Variants in LPCAT2 observed in about 807,000 individuals in gnomAD.
LPCAT2 encodes 1-AGP acyltransferase 11.
In LPCAT2, 58 loss-of-function variants were observed where a neutral mutation model predicts 64.7. The ratio of observed to expected loss-of-function variants is 0.90; its 90% CI spans 0.73 to 1.12. LPCAT2 has a LOEUF of 1.12. Among genes scored for constraint, LPCAT2 ranks in the 50% most tolerant of loss-of-function variants. The pLI, the probability that LPCAT2 is intolerant of heterozygous loss-of-function variation, is 0.00. For missense variants in LPCAT2, 579 were observed against 669.8 expected, an observed-to-expected ratio of 0.86 and a Z score of 1.50; for synonymous variants, 252 against 245.3, an observed-to-expected ratio of 1.03 and a Z score of -0.26.
chr16:55,563,369 C>A (rs1963657910), intron 11 of LPCAT2, among the ~76,000 whole-genome samples: 1 of 151,802 alleles, frequency 6.6e-6, no homozygotes, highest in African/African-American at 2.4e-5. Flanking sequence ...CTTTCTGATT[C>A]ATTCCATGAG....
chr16:55,572,519 GC>G (rs1273053677), intron 11 of LPCAT2, among the ~76,000 whole-genome samples: 1 of 152,166 alleles, frequency 6.6e-6, no homozygotes, highest in South Asian at 2.1e-4. Flanking sequence ...AGTAAAAACA[GC>G]CCTCCAGAGT....
At chr16:55,573,267 C>G (rs2082596273) in intron 11 of LPCAT2, among the ~76,000 whole-genome samples, 1 of 152,278 alleles carries the variant, frequency 6.6e-6, no homozygotes, top group East Asian at 1.9e-4. Context: ...CTTCACAGCC[C>G]TTCCTTCCCC....
At chr16:55,574,759 G>T (rs575444193) in intron 12 of LPCAT2, 30 bp downstream of exon 12, 2 of 1,522,428 alleles carry the variant, frequency 1.3e-6, no homozygotes, top group Admixed American at 1.7e-5. Context: ...AAGCATCTTG[G>T]TCTGCCTTGT....
At position 55,528,576 on chromosome 16, in the gene LPCAT2, C is replaced by A; in HGVS notation, c.511C>A (p.Gln171Lys). 1 of 1,612,742 alleles carries A rather than the reference C, an allele frequency of 6.2e-7. No homozygotes were observed. Among genetic ancestry groups the A allele is most frequent in the Non-Finnish European group, 8.5e-7 (1 of 1,178,858 alleles). The change falls in exon 3 of 14, where the codon CAA becomes AAA. Residue 171 changes from glutamine to lysine, a missense_variant. By Grantham distance (53) the Gln-to-Lys change is moderately conservative (BLOSUM62 1). Transcript: ENST00000262134. Reference sequence around the variant, plus strand: ...TATGGTATCTCGAAATGAGAATGCACAAGTCCCTCTGATTGGCAGTAAGTA... The same window carrying A: ...TATGGTATCTCGAAATGAGAATGCAAAAGTCCCTCTGATTGGCAGTAAGTA... ...PSMVSRNENA[Q>K]VPLIGRLLRA... is the part of the protein sequence containing the mutation.
intron 1 of LPCAT2, among the ~76,000 whole-genome samples, chr16:55,525,175 T>C (rs1963151835): frequency 6.6e-6 from 1 of 152,078 alleles, no homozygotes; most frequent in African/African-American, 2.4e-5. Flanking sequence ...TTGTTCAGGC[T>C]ACAACTCCTC....
At chr16:55,564,572 A>T (rs1225454124) in intron 11 of LPCAT2, among the ~76,000 whole-genome samples, 2 of 151,964 alleles carry the variant, frequency 1.3e-5, no homozygotes, top group Non-Finnish European at 2.9e-5. Flanking sequence ...TTCAGCAAGA[A>T]TGCCAAAACC....
chr16:55,550,957 G>A lies in LPCAT2; in HGVS notation c.1070G>A (p.Trp357Ter). The A allele has an allele frequency of 1.3e-6, 2 of 1,598,012 alleles. No individual in the cohort carries two copies. The highest frequency in any genetic ancestry group is 1.7e-6 in the Non-Finnish European group (2 of 1,169,322). ...ATTCTTTGTTTGTTTAGATTAGATT[G>A]GGATGGTGTTCGTAAGCATTTGGAT... The part of the protein sequence containing the change: ...TKISRKLKLD[W>*]DGVRKHLDEY... The change falls in exon 11 of 14, where the codon TGG becomes TAG. Residue 357 changes from tryptophan (W) to a stop codon, truncating the protein, a stop_gained. Coordinates refer to ENST00000262134, the MANE Select transcript of LPCAT2 (RefSeq NM_017839.5). LOFTEE classifies it high-confidence loss of function.
intron 13 of LPCAT2, among the ~76,000 whole-genome samples, chr16:55,581,814 A>T (rs1963889776): frequency 6.6e-6 from 1 of 152,224 alleles, no homozygotes; most frequent in Non-Finnish European, 1.5e-5. Flanking sequence ...TATTTCAGAA[A>T]CTCCAGGTTA....
At chr16:55,556,277 A>G (rs1202679761) in intron 11 of LPCAT2, among the ~76,000 whole-genome samples, 1 of 152,202 alleles carries the variant, frequency 6.6e-6, no homozygotes, top group African/African-American at 2.4e-5. Context: ...GAAACTAGTG[A>G]CGGGAAGGAA....
At chr16:55,513,528 A>T (rs1962964374) in intron 1 of LPCAT2, among the ~76,000 whole-genome samples, 1 of 152,138 alleles carries the variant, frequency 6.6e-6, no homozygotes, top group Non-Finnish European at 1.5e-5. Context: ...AAAAAAAAAA[A>T]ATCAGAATCA....
At chr16:55,524,412 A>G (rs569776542) in intron 1 of LPCAT2, among the ~76,000 whole-genome samples, 16 of 152,058 alleles carry the variant, frequency 1.1e-4, no homozygotes, top group African/African-American at 3.8e-4. Context: ...ATAGGGTTTG[A>G]CTAGAAGAGA....
chr16:55,579,359 GTAA>G (rs1963865127), intron 13 of LPCAT2, 115 bp downstream of exon 13: 1 of 997,850 alleles, frequency 1.0e-6, no homozygotes, highest in African/African-American at 1.6e-5. Flanking sequence ...AGACATAATA[GTAA>G]TATTGATGAC....
chr16:55,558,751 GACTATGTCCCAATAAA>G (rs1963603863), intron 11 of LPCAT2, among the ~76,000 whole-genome samples: 1 of 152,152 alleles, frequency 6.6e-6, no homozygotes, highest in Non-Finnish European at 1.5e-5. Flanking sequence ...TGAATAGCAT[GACTATGTCCCAATAAA>G]ACTGTATTTG....
intron 1 of LPCAT2, among the ~76,000 whole-genome samples, chr16:55,521,516 CAT>C (rs1963095595): frequency 6.6e-6 from 1 of 151,546 alleles, no homozygotes; most frequent in Non-Finnish European, 1.5e-5. Flanking sequence ...CTGAAAAAGA[CAT>C]TATAAGAAAA....
rs1464652661 is a variant in LPCAT2 at position 55,526,947 on chromosome 16, C to G, written c.311+1300C>G. On this transcript the variant is annotated intron_variant, in intron 2 of 13. Transcript: ENST00000262134. ...TGTTAAATAAGAGTGTTTAATGGCT[C>G]AGAATATGGGATAAATATAGTTATC... Among the ~76,000 whole-genome samples, 3 of 151,902 alleles carry G rather than the reference C, an allele frequency of 2.0e-5. No individual in the cohort carries two copies. The South Asian group carries it at 6.2e-4, about 31-fold the overall frequency.
intron 11 of LPCAT2, among the ~76,000 whole-genome samples, chr16:55,563,327 A>G (rs1489006752): frequency 1.3e-5 from 2 of 151,960 alleles, no homozygotes; most frequent in African/African-American, 4.8e-5. Flanking sequence ...GTTCTTTTCA[A>G]ACTCTTCCAA....
Position 55,532,892 on chromosome 16 carries a change from G to A in LPCAT2, c.762+10G>A. ...ATACCCAAACAAGCTGGTAAGCACA[G>A]TATTTTACCACAGGAAGAATTTCAG... On this transcript the variant is annotated intron_variant, in intron 6 of 13. Coordinates refer to ENST00000262134, the MANE Select transcript of LPCAT2 (RefSeq NM_017839.5). The A allele has an allele frequency of 1.2e-6, 2 of 1,608,668 alleles. No individual in the cohort carries two copies. Among genetic ancestry groups the A allele is most frequent in the South Asian group, 1.1e-5 (1 of 90,904 alleles).
chr16:55,578,878 C>T, intron 12 of LPCAT2: 1 of 409,748 alleles, frequency 2.4e-6, no homozygotes, highest in Non-Finnish European at 4.4e-6. Flanking sequence ...CATGGAGATC[C>T]CCTGTCCCTT....
intron 9 of LPCAT2, 77 bp downstream of exon 9, chr16:55,545,894 A>AT (rs1246031465): frequency 4.1e-4 from 487 of 1,183,796 alleles, no homozygotes; most frequent in Middle Eastern, 1.0e-3. Flanking sequence ...CATTTTAAGG[A>AT]TTTTTTTTTG....
Sources: gnomAD v4.1 joint callset for allele counts (sites outside exome capture counted in the v4.1 genomes callset) on GRCh38, gnomAD v4.1.1 for gene constraint, MANE v1.5 for transcripts, NCBI Gene and HGNC (gene_info 2026-07-23, HGNC 2026-07-21) for gene names.